DSTYK: variants seen among roughly 807,000 people sequenced by gnomAD.
DSTYK encodes RIP-homologous kinase.
Under a neutral mutation model 98.7 loss-of-function variants are expected in DSTYK, and 34 were observed. That is an observed-to-expected ratio of 0.34 (90% CI 0.26 to 0.46). The LOEUF is 0.46. Among genes scored for constraint, DSTYK ranks in the 20% least tolerant of loss-of-function variants. DSTYK has a pLI of 1.00. For synonymous variants in DSTYK, 462 were observed against 457.3 expected (o/e 1.01, Z -0.13); for missense variants, 962 against 1,181.7 (o/e 0.81, Z 2.73).
intron 2 of DSTYK, among the ~76,000 whole-genome samples, chr1:205,171,450 CAAT>C (rs1658060889): frequency 9.1e-6 from 1 of 110,372 alleles, no homozygotes; most frequent in Admixed American, 1.1e-4. Flanking sequence ...GACTCTGTCT[CAAT>C]TAAAAAAAAA....
At chr1:205,176,462 G>A (rs1658231567) in intron 2 of DSTYK, among the ~76,000 whole-genome samples, 1 of 87,718 alleles carries the variant, frequency 1.1e-5, no homozygotes, top group Admixed American at 1.9e-4. Context: ...GGCAACAAGA[G>A]TGAAACTCCC....
rs781082018 is a variant in DSTYK at position 205,169,755 on chromosome 1, G to A, written c.732C>T (p.Phe244=). The change falls in exon 3 of 13, where the codon TTC becomes TTT. Residue 244 remains phenylalanine (F), a synonymous_variant. Transcript: ENST00000367162. The surrounding 1 kb of genome is among the most constrained non-coding windows in gnomAD (Gnocchi z 4.0). ...VDVLGDLVND[F]LPVITYALHK... Reference sequence around the variant, plus strand: ...GGAGTGCATAGGTTATCACAGGCAAGAAATCATTCACCAAGTCACCCAGAA... The same window carrying A: ...GGAGTGCATAGGTTATCACAGGCAAAAAATCATTCACCAAGTCACCCAGAA... 4.3e-6 allele frequency: 7 copies of A among 1,614,238 alleles called. No homozygotes were observed. Among genetic ancestry groups the A allele is most frequent in the Non-Finnish European group, 5.9e-6 (7 of 1,180,036 alleles).
intron 2 of DSTYK, among the ~76,000 whole-genome samples, chr1:205,171,589 A>G (rs1658066664): frequency 6.6e-6 from 1 of 152,142 alleles, no homozygotes; most frequent in South Asian, 2.1e-4. Flanking sequence ...ACACAAGAGC[A>G]TATGTCCATC....
intron 2 of DSTYK, among the ~76,000 whole-genome samples, chr1:205,184,379 C>A (rs1025044850): frequency 6.6e-6 from 1 of 151,802 alleles, no homozygotes; most frequent in Non-Finnish European, 1.5e-5. Flanking sequence ...TCCAGACCAG[C>A]TGGCCAACAC....
chr1:205,202,855 T>C, intron 1 of DSTYK: 1 of 394,872 alleles, frequency 2.5e-6, no homozygotes, highest in Non-Finnish European at 4.6e-6. Flanking sequence ...GAGTAACAGG[T>C]ATAAGGTAAA....
chr1:205,209,569 AGTTGGTTTGGATAGG>A (rs1200180424), intron 1 of DSTYK, among the ~76,000 whole-genome samples: 13 of 114,916 alleles, frequency 1.1e-4, no homozygotes, highest in Admixed American at 2.9e-4. Flanking sequence ...CGTTCCATTT[AGTTGGTTTGGATAGG>A]AATTTAAAAA....
At chr1:205,211,221 C>G (rs1409634323) in intron 1 of DSTYK, 50 bp downstream of exon 1, 3 of 1,536,602 alleles carry the variant, frequency 2.0e-6, no homozygotes, top group Non-Finnish European at 2.6e-6. Flanking sequence ...TGCGGTCCGT[C>G]CTCCGATTTG....
chr1:205,203,352 C>G (rs958817190), intron 1 of DSTYK, among the ~76,000 whole-genome samples: 8 of 148,896 alleles, frequency 5.4e-5, no homozygotes, highest in African/African-American at 2.0e-4. Context: ...GTGGTTCGCG[C>G]GTGCCTGCAG....
intron 3 of DSTYK, among the ~76,000 whole-genome samples, chr1:205,166,000 C>T (rs576891154): frequency 3.1e-4 from 47 of 150,698 alleles, no homozygotes; most frequent in Admixed American, 5.3e-4. Flanking sequence ...CCAGCCTGGG[C>T]GACAGAACAA....
chr1:205,211,502 G>C lies in DSTYK; in HGVS notation c.34C>G (p.Pro12Ala), dbSNP rs1574811975. 1 of 1,572,474 alleles carries C rather than the reference G, an allele frequency of 6.4e-7. No individual in the cohort carries two copies. The highest frequency in any genetic ancestry group is 8.6e-7 in the Non-Finnish European group (1 of 1,164,624). The change falls in exon 1 of 13, where the codon CCC becomes GCC. Residue 12 changes from proline (P) to alanine (A), a missense_variant. Physicochemically the swap from Pro to Ala is conservative, Grantham distance 27. Transcript: ENST00000367162. ...CCGCCGGGGCCGGGACCCGAGACGG[G>C]CTCGCTGCCCCATGGCACCCCGTCG... ...EGDGVPWGSE[P>A]VSGPGPGGGG...
intron 2 of DSTYK, among the ~76,000 whole-genome samples, chr1:205,183,418 G>A (rs1658477890): frequency 1.3e-5 from 2 of 152,204 alleles, no homozygotes; most frequent in African/African-American, 4.8e-5. Context: ...GGAATACCAA[G>A]CAGTGTGGGT....
At chr1:205,162,459 T>C (rs1276885277) in intron 5 of DSTYK, among the ~76,000 whole-genome samples, 1 of 152,198 alleles carries the variant, frequency 6.6e-6, no homozygotes, top group Non-Finnish European at 1.5e-5. Context: ...TTACATTCAG[T>C]GCCAGGGAGT....
intron 2 of DSTYK, among the ~76,000 whole-genome samples, chr1:205,186,029 G>T (rs1464579367): frequency 6.6e-6 from 1 of 150,760 alleles, no homozygotes; most frequent in Non-Finnish European, 1.5e-5. Flanking sequence ...TCTCAAAAAA[G>T]AAAAAAAGAA....
At position 205,146,727 on chromosome 1, in the gene DSTYK, A is replaced by G. The variant is rs1657248230; in HGVS notation, c.*831T>C. The G allele has an allele frequency of 6.6e-6, 1 of 151,602 alleles. No homozygotes were observed. The highest frequency in any genetic ancestry group is 1.5e-5 in the Non-Finnish European group (1 of 67,988). 9.4% of individuals were successfully genotyped at this position (151,602 alleles called of 1,614,324 possible). On this transcript the variant is annotated 3_prime_UTR_variant, in exon 13 of 13. Coordinates refer to ENST00000367162, the MANE Select transcript of DSTYK (RefSeq NM_015375.3). ...TCTTGGATTACAGGCATGCACCACC[A>G]CGCCCGGCTAATTTTTTGTATCTTT...
intron 2 of DSTYK, among the ~76,000 whole-genome samples, chr1:205,176,598 T>C (rs993178557): frequency 1.3e-5 from 2 of 150,426 alleles, no homozygotes; most frequent in African/African-American, 4.9e-5. Flanking sequence ...AAAATGACAC[T>C]ATTTTATTTA....
At chr1:205,206,302 CAG>C (rs1181196513) in intron 1 of DSTYK, among the ~76,000 whole-genome samples, 1 of 149,488 alleles carries the variant, frequency 6.7e-6, no homozygotes, top group Non-Finnish European at 1.5e-5. Context: ...GTTTTTGAGA[CAG>C]AGTCTCGCTC....
intron 1 of DSTYK, 132 bp from the exon 2 acceptor site, chr1:205,187,938 T>C (rs1175678779): frequency 1.0e-5 from 9 of 886,086 alleles, no homozygotes; most frequent in Non-Finnish European, 1.3e-5. Flanking sequence ...TCTAGGAACC[T>C]TGGTTGAAGG....
At chr1:205,166,222 G>A (rs952888858) in intron 3 of DSTYK, among the ~76,000 whole-genome samples, 3 of 152,054 alleles carry the variant, frequency 2.0e-5, no homozygotes, top group Non-Finnish European at 2.9e-5. Flanking sequence ...TGGGTGGCTG[G>A]GGGATGGTGT....
At chr1:205,156,429 T>A (rs143806894) in intron 10 of DSTYK, among the ~76,000 whole-genome samples, 1 of 152,112 alleles carries the variant, frequency 6.6e-6, no homozygotes, top group Non-Finnish European at 1.5e-5. Context: ...CTTGCATGAG[T>A]GTGCCCTGGA....
Sources: gnomAD v4.1 joint callset for allele counts (sites outside exome capture counted in the v4.1 genomes callset) on GRCh38, gnomAD v4.1.1 for gene constraint, Gnocchi (gnomAD v3.1) non-coding constraint, MANE v1.5 for transcripts, NCBI Gene and HGNC (gene_info 2026-07-23, HGNC 2026-07-21) for gene names.